The following DAB2IP variants were observed in gnomAD, a reference collection of about 807,000 sequenced individuals.
The protein encoded by DAB2IP is disabled homolog 2-interacting protein.
A neutral mutation model predicts 107.2 loss-of-function variants in DAB2IP; 28 were observed. The ratio of observed to expected loss-of-function variants is 0.26; its 90% confidence interval spans 0.19 to 0.36. The LOEUF (loss-of-function observed/expected upper bound fraction) is 0.36. Ranked by LOEUF, DAB2IP falls within the 10% of genes least tolerant of loss-of-function variation. The pLI is 1.00. For synonymous variants in DAB2IP, 755 were observed against 706.4 expected (o/e 1.07, Z -1.09); for missense variants, 1,400 against 1,644.7 (o/e 0.85, Z 2.57).
chr9:121,744,708 AG>A (rs1248603111), intron 3 of DAB2IP, among the ~76,000 whole-genome samples: 1 of 152,208 alleles, frequency 6.6e-6, no homozygotes, highest in African/African-American at 2.4e-5. Context: ...CCGAAGTGCC[AG>A]GTGTCCTGTT....
At chr9:121,657,289 G>A (rs77443616) in intron 1 of DAB2IP, among the ~76,000 whole-genome samples, 5,744 of 152,276 alleles carry the variant, frequency 0.038, 350 homozygotes, top group African/African-American at 0.13. Flanking sequence ...CTAATCCCCA[G>A]AGCTCTCTAG....
intron 2 of DAB2IP, among the ~76,000 whole-genome samples, chr9:121,685,574 T>C (rs1828831726): frequency 6.6e-6 from 1 of 152,142 alleles, no homozygotes; most frequent in Non-Finnish European, 1.5e-5. Context: ...AGCTGGTGGG[T>C]GGTAGGGGCA....
intron 3 of DAB2IP, among the ~76,000 whole-genome samples, chr9:121,724,403 C>G (rs1589586834): frequency 6.6e-6 from 1 of 152,164 alleles, no homozygotes; most frequent in African/African-American, 2.4e-5. Flanking sequence ...TGCCCCACTT[C>G]ATTCAAGTGT....
chr9:121,571,061 C>A (rs1829930405), intron 1 of DAB2IP, among the ~76,000 whole-genome samples: 1 of 152,096 alleles, frequency 6.6e-6, no homozygotes, highest in African/African-American at 2.4e-5. Context: ...GCTGTCTCCC[C>A]CCAGGGCCTT....
At chr9:121,767,578 G>A (rs949985168) in intron 9 of DAB2IP, among the ~76,000 whole-genome samples, 6 of 152,212 alleles carry the variant, frequency 3.9e-5, no homozygotes, top group South Asian at 2.1e-4. Flanking sequence ...AGAAGCGGGC[G>A]ATGAGACCTA....
intron 1 of DAB2IP, among the ~76,000 whole-genome samples, chr9:121,667,377 C>T (rs1021987763): frequency 3.9e-5 from 6 of 152,094 alleles, no homozygotes; most frequent in African/African-American, 9.7e-5. Context: ...TCACCTGGCC[C>T]CTCCCTCGGG....
At position 121,736,110 on chromosome 9, in the gene DAB2IP, G is replaced by T. The variant is rs964330592; in HGVS notation, c.363-20903G>T. 2.0e-5 allele frequency among the ~76,000 whole-genome samples: 3 copies of T among 152,236 alleles called. No individual in the cohort carries two copies. The highest frequency in any genetic ancestry group is 2.0e-4 in the Admixed American group (3 of 15,290). On this transcript the variant is annotated intron_variant, in intron 3 of 15. Coordinates refer to ENST00000408936, the Ensembl canonical transcript of DAB2IP. The surrounding 1 kb of genome is among the most constrained non-coding windows in gnomAD (Gnocchi z 4.6). ...AGACCCAAGTCGGGGTGGGGAGTCG[G>T]GTTAGGGGATCATGGTAGACAAACC...
At chr9:121,580,769 C>T (rs1284393132) in intron 1 of DAB2IP, among the ~76,000 whole-genome samples, 9 of 152,128 alleles carry the variant, frequency 5.9e-5, no homozygotes, top group African/African-American at 2.2e-4. Context: ...GGACTACAGG[C>T]GCCAACCACC....
chr9:121,623,233 CA>C (rs1272540211), intron 1 of DAB2IP, among the ~76,000 whole-genome samples: 4 of 152,196 alleles, frequency 2.6e-5, no homozygotes, highest in Non-Finnish European at 5.9e-5. Context: ...GCAGCCCCAC[CA>C]GATTTAACAT....
chr9:121,758,661 C>T (rs892385879), intron 4 of DAB2IP, among the ~76,000 whole-genome samples: 3 of 152,174 alleles, frequency 2.0e-5, no homozygotes, highest in Admixed American at 6.5e-5. Flanking sequence ...GGAGCCTGCT[C>T]GTGCAGGATG....
intron 1 of DAB2IP, among the ~76,000 whole-genome samples, chr9:121,579,437 G>A (rs907021825): frequency 1.3e-5 from 2 of 152,032 alleles, no homozygotes; most frequent in Non-Finnish European, 2.9e-5. Context: ...AGGTGACCAG[G>A]CCAGGCCCTC....
chr9:121,778,816 G>A (rs2119031778), intron 14 of DAB2IP, among the ~76,000 whole-genome samples: 1 of 152,256 alleles, frequency 6.6e-6, no homozygotes, highest in South Asian at 2.1e-4. Context: ...CAGGGAGTCT[G>A]TCATTGTCTT....
At chr9:121,591,871 G>A (rs1342923257) in intron 1 of DAB2IP, among the ~76,000 whole-genome samples, 1 of 152,204 alleles carries the variant, frequency 6.6e-6, no homozygotes, top group Admixed American at 6.5e-5. Flanking sequence ...ACAGCCCAGG[G>A]GAGTCAGATG....
intron 1 of DAB2IP, among the ~76,000 whole-genome samples, chr9:121,596,090 G>A (rs1275593816): frequency 6.6e-6 from 1 of 152,170 alleles, no homozygotes; most frequent in Non-Finnish European, 1.5e-5. Flanking sequence ...GGAGGCCGAG[G>A]CAGGTGGATC....
chr9:121,724,758 A>C (rs1467538029), intron 3 of DAB2IP, among the ~76,000 whole-genome samples: 1 of 152,178 alleles, frequency 6.6e-6, no homozygotes, highest in African/African-American at 2.4e-5. Context: ...CTGCAGCGGG[A>C]CAGAACCAGG....
intron 1 of DAB2IP, chr9:121,574,934 C>T (rs1830022890): frequency 1.3e-5 from 2 of 152,256 alleles, no homozygotes; most frequent in Non-Finnish European, 2.9e-5. Flanking sequence ...ACAAAGAGGC[C>T]AGCTCGGGAG....
chr9:121,762,558 A>G (rs1434087099), intron 6 of DAB2IP, among the ~76,000 whole-genome samples: 1 of 152,014 alleles, frequency 6.6e-6, no homozygotes, highest in African/African-American at 2.4e-5. Context: ...TCTAGATCTC[A>G]GTTCTGTTTT....
At chr9:121,763,703 TCACTCCC>T (rs745760994) in intron 7 of DAB2IP, 25 bp from the exon 8 acceptor site, 1 of 1,612,182 alleles carries the variant, frequency 6.2e-7, no homozygotes, top group South Asian at 1.1e-5. Flanking sequence ...CGCCAGGTCC[TCACTCCC>T]CACTCCCTGC....
Position 121,770,861 on chromosome 9 carries a change from G to T in DAB2IP, c.2078+137G>T. The T allele has an allele frequency of 5.1e-6, 6 of 1,174,484 alleles. No individual in the cohort carries two copies. The South Asian group carries it at 1.0e-4, about 19-fold the overall frequency. 72.8% of individuals were successfully genotyped at this position (1,174,484 alleles called of 1,614,324 possible). ...GCCTGGCAAGACTTGAGTTGTACAG[G>T]TCCTAAGTGGTGAACCTCCATTTGG... On this transcript the variant is annotated intron_variant, in intron 11 of 15. Coordinates refer to ENST00000408936, the Ensembl canonical transcript of DAB2IP.
Sources: gnomAD v4.1 joint callset for allele counts (sites outside exome capture counted in the v4.1 genomes callset) on GRCh38, gnomAD v4.1.1 for gene constraint, Gnocchi (gnomAD v3.1) non-coding constraint, MANE v1.5 for transcripts, NCBI Gene and HGNC (gene_info 2026-07-23, HGNC 2026-07-21) for gene names.